ULK2: variants seen among roughly 807,000 people sequenced by gnomAD.
ULK2 encodes the protein unc-51 like autophagy activating kinase 2.
In ULK2, 76 loss-of-function variants were observed where a neutral mutation model predicts 127.5. The ratio of observed to expected loss-of-function variants is 0.60; its 90% confidence interval spans 0.50 to 0.72. The LOEUF is 0.72. Among genes scored for constraint, ULK2 ranks in the 30% least tolerant of loss-of-function variants. The probability of loss-of-function intolerance (pLI) is 0.00; values close to 1 mark genes in which losing one functional copy is unlikely to be tolerated. For synonymous variants in ULK2, 452 were observed against 461.9 expected (o/e 0.98, Z 0.28); for missense variants, 1,144 against 1,295.9 (o/e 0.88, Z 1.80).
At chr17:19,824,684 G>A (rs2041245089) in intron 12 of ULK2, among the ~76,000 whole-genome samples, 1 of 152,068 alleles carries the variant, frequency 6.6e-6, no homozygotes, top group South Asian at 2.1e-4. Flanking sequence ...GCTCAGAGGT[G>A]ACTCCTCCCT....
chr17:19,867,856 C>T lies in ULK2; in HGVS notation c.-439G>A, dbSNP rs2042389893. The T allele has an allele frequency of 6.6e-6, 1 of 150,848 alleles. No homozygotes were observed. The highest frequency in any genetic ancestry group is 2.4e-5 in the African/African-American group (1 of 41,272). The allele number at this position is 150,848 out of a possible 1,614,324, so 9.3% of individuals were successfully genotyped here. On this transcript the variant is annotated 5_prime_UTR_variant, in exon 1 of 27. Coordinates refer to ENST00000395544, the MANE Select transcript of ULK2 (RefSeq NM_014683.4). ...ACGGCGACGGCCGCCGCCCTAGAACCCGCACCGCCGCGGCCCCGCGCTTCC... is the reference window on the plus strand; with the variant it reads ...ACGGCGACGGCCGCCGCCCTAGAACTCGCACCGCCGCGGCCCCGCGCTTCC...
At chr17:19,867,234 T>TC in intron 1 of ULK2, 94 bp downstream of exon 1, 1 of 978,826 alleles carries the variant, frequency 1.0e-6, no homozygotes, top group Non-Finnish European at 1.4e-6. Context: ...GCTAGCCGAG[T>TC]CGGGGGTCTC....
Position 19,775,214 on chromosome 17 carries a change from C to A in ULK2, c.*1135G>T, listed in dbSNP as rs1363154599. 6.6e-6 allele frequency: 1 copy of A among 152,628 alleles called. No individual in the cohort carries two copies. Among genetic ancestry groups the A allele is most frequent in the Non-Finnish European group, 1.5e-5 (1 of 68,034 alleles). 9.5% of individuals were successfully genotyped at this position (152,628 alleles called of 1,614,324 possible). On this transcript the variant is annotated 3_prime_UTR_variant, in exon 27 of 27. Transcript: ENST00000395544. ...GGAGGGATATTAAGTTAACTGCCTG[C>A]ATTCTCCATGACTAGCTATTTGGTG...
chr17:19,799,624 A>C (rs2087353506), intron 16 of ULK2, 49 bp from the exon 17 acceptor site: 6 of 1,485,946 alleles, frequency 4.0e-6, no homozygotes, highest in Non-Finnish European at 5.4e-6. Context: ...AAAATGATCA[A>C]AAACCAATAA....
chr17:19,781,816 A>G, intron 23 of ULK2, 73 bp downstream of exon 23: 1 of 1,508,146 alleles, frequency 6.6e-7, no homozygotes, highest in Non-Finnish European at 9.0e-7. Flanking sequence ...AGTGGATGAC[A>G]ATACCTACAA....
intron 6 of ULK2, 123 bp from the exon 7 acceptor site, chr17:19,845,500 A>C: frequency 1.4e-6 from 1 of 691,698 alleles, no homozygotes; most frequent in Non-Finnish European, 2.4e-6. Context: ...AGCTTATTGA[A>C]TTAGACTGTC....
chr17:19,801,389 A>G (rs2087394152), intron 16 of ULK2, among the ~76,000 whole-genome samples: 1 of 152,194 alleles, frequency 6.6e-6, no homozygotes, highest in Non-Finnish European at 1.5e-5. Flanking sequence ...CCTGGGTAAC[A>G]TAGTGAAACT....
At chr17:19,789,261 G>T (rs778264581) in intron 20 of ULK2, among the ~76,000 whole-genome samples, 1 of 148,226 alleles carries the variant, frequency 6.7e-6, no homozygotes, top group African/African-American at 2.5e-5. Flanking sequence ...GCCATTAGTT[G>T]TTCACCTTTT....
intron 3 of ULK2, among the ~76,000 whole-genome samples, chr17:19,854,273 CAAA>C (rs769634028): frequency 3.8e-5 from 3 of 79,556 alleles, no homozygotes; most frequent in Non-Finnish European, 7.7e-5. Context: ...GATTCCATCT[CAAA>C]AAAAAAAAAA....
At chr17:19,846,588 C>G in intron 6 of ULK2, 149 bp downstream of exon 6, 1 of 853,046 alleles carries the variant, frequency 1.2e-6, no homozygotes, top group Non-Finnish European at 1.7e-6. Flanking sequence ...TGCAGTGAGC[C>G]AAGATCGCGC....
chr17:19,801,769 C>A lies in ULK2; in HGVS notation c.1441+8G>T. The A allele has an allele frequency of 6.2e-7, 1 of 1,612,204 alleles. No homozygotes were observed. The highest frequency in any genetic ancestry group is 8.5e-7 in the Non-Finnish European group (1 of 1,179,628). On this transcript the variant is annotated splice_region_variant and intron_variant, in intron 16 of 26. Coordinates refer to ENST00000395544, the MANE Select transcript of ULK2 (RefSeq NM_014683.4). ...GGTTGAAAACAACTGTTTTTAAACT[C>A]TACTTACCCAAAGGGGAAGGTGAGT...
chr17:19,785,202 A>T (rs2087002686), intron 21 of ULK2, among the ~76,000 whole-genome samples: 1 of 152,110 alleles, frequency 6.6e-6, no homozygotes, highest in African/African-American at 2.4e-5. Context: ...ATTAAAAATA[A>T]ATAAATAAAA....
At chr17:19,814,239 GA>G (rs930685165) in intron 13 of ULK2, among the ~76,000 whole-genome samples, 47 of 149,002 alleles carry the variant, frequency 3.2e-4, no homozygotes, top group African/African-American at 1.0e-3. Context: ...ATTAAATGTG[GA>G]AAAAAAAATC....
chr17:19,828,052 TAAGAATA>T (rs1567707374), intron 10 of ULK2, among the ~76,000 whole-genome samples: 2 of 152,016 alleles, frequency 1.3e-5, no homozygotes, highest in African/African-American at 4.8e-5. Flanking sequence ...GGATCCTTAA[TAAGAATA>T]TCAGCCAATT....
At chr17:19,783,145 G>A (rs1227496087) in intron 22 of ULK2, among the ~76,000 whole-genome samples, 1 of 152,088 alleles carries the variant, frequency 6.6e-6, no homozygotes, top group African/African-American at 2.4e-5. Flanking sequence ...TGCACTGTAT[G>A]TTTCAATACA....
chr17:19,776,896 G>A (rs1366069911), intron 26 of ULK2, among the ~76,000 whole-genome samples: 2 of 152,092 alleles, frequency 1.3e-5, no homozygotes, highest in Non-Finnish European at 1.5e-5. Context: ...CTACATATAC[G>A]AACACTTGCC....
At chr17:19,849,473 A>G in intron 4 of ULK2, 68 bp from the exon 5 acceptor site, 1 of 1,427,462 alleles carries the variant, frequency 7.0e-7, no homozygotes, top group Non-Finnish European at 9.7e-7. Flanking sequence ...TCCATTCTCA[A>G]TTGTGATTAA....
At chr17:19,830,235 CTG>C (rs146178014) in intron 10 of ULK2, among the ~76,000 whole-genome samples, 6,009 of 152,070 alleles carry the variant, frequency 0.04, 158 homozygotes, top group Middle Eastern at 0.12. Flanking sequence ...ATGTTGCGCT[CTG>C]TTTTTTCAGG....
chr17:19,801,327 A>G (rs575134923), intron 16 of ULK2, among the ~76,000 whole-genome samples: 1 of 152,288 alleles, frequency 6.6e-6, no homozygotes, highest in Non-Finnish European at 1.5e-5. Flanking sequence ...TAATCCCAGC[A>G]CTTTGGAAGG....
Sources: allele counts gnomAD v4.1 joint callset (sites outside exome capture counted in the v4.1 genomes callset), GRCh38; gene constraint gnomAD v4.1.1; transcripts MANE v1.5; gene names NCBI Gene and HGNC (gene_info 2026-07-23, HGNC 2026-07-21).